Variants in FANCM observed in about 807,000 individuals in gnomAD.
FANCM encodes Fanconi anemia group M protein.
Under a neutral mutation model 199.5 loss-of-function variants are expected in FANCM, and 140 were observed. The observed-to-expected ratio is 0.70, with a 90% CI of 0.61 to 0.81. The LOEUF is 0.81. FANCM is among the 30% of genes least tolerant of loss of function. The probability of loss-of-function intolerance (pLI) is 0.00; values close to 1 mark genes in which losing one functional copy is unlikely to be tolerated. For synonymous variants in FANCM, 840 were observed against 836.8 expected, an observed-to-expected ratio of 1.00 and a Z score of -0.07; for missense variants, 2,410 against 2,421.4, an observed-to-expected ratio of 1.00 and a Z score of 0.10.
intron 13 of FANCM, among the ~76,000 whole-genome samples, chr14:45,174,030 G>C (rs1438745120): frequency 1.3e-5 from 2 of 152,104 alleles, no homozygotes; most frequent in East Asian, 3.8e-4. Flanking sequence ...TGTTTATGTG[G>C]AGTATATATA....
At chr14:45,199,077 A>AT (rs1890227029) in intron 22 of FANCM, 142 bp downstream of exon 22, 2 of 651,938 alleles carry the variant, frequency 3.1e-6, no homozygotes, top group Non-Finnish European at 5.2e-6. Context: ...GCCTGCCAAC[A>AT]TATATTAGTT....
chr14:45,170,781 C>A (rs200491978), intron 12 of FANCM, 35 bp downstream of exon 12: 60 of 1,577,820 alleles, frequency 3.8e-5, no homozygotes, highest in Non-Finnish European at 5.0e-5. Flanking sequence ...TTCTTTTCCC[C>A]CCCCTCATTT....
intron 21 of FANCM, among the ~76,000 whole-genome samples, chr14:45,196,873 T>A (rs748202683): frequency 1.3e-5 from 2 of 152,148 alleles, no homozygotes; most frequent in African/African-American, 2.4e-5. Context: ...GAGTCAGGAT[T>A]AGCAAGAGTT....
At position 45,176,206 on chromosome 14, in the gene FANCM, C is replaced by A; in HGVS notation, c.3452C>A (p.Pro1151His). 6.2e-7 allele frequency: 1 copy of A among 1,613,960 alleles called. No individual in the cohort carries two copies. Among genetic ancestry groups the A allele is most frequent in the Non-Finnish European group, 8.5e-7 (1 of 1,179,950 alleles). The change falls in exon 14 of 23, where the codon CCC (proline) becomes CAC (histidine). Residue 1151 changes from proline to histidine, a missense_variant. By Grantham distance (77) the Pro-to-His change is moderately conservative. Transcript: ENST00000267430. ...GAGTTCGACGATGTGAGTCTTTCAC[C>A]CTTGAACAGTAAAAGCGAATCTTTA... The part of the protein sequence containing the change: ...NTEFDDVSLS[P>H]LNSKSESLPV...
chr14:45,154,355 C>G (rs867620907), intron 6 of FANCM, among the ~76,000 whole-genome samples: 71 of 147,578 alleles, frequency 4.8e-4, no homozygotes, highest in African/African-American at 1.7e-3. Flanking sequence ...GAGTCAAGAT[C>G]ATGCTGCTGC....
At chr14:45,160,068 T>C (rs2139189922) in intron 9 of FANCM, among the ~76,000 whole-genome samples, 1 of 150,548 alleles carries the variant, frequency 6.6e-6, no homozygotes, top group African/African-American at 2.4e-5. Flanking sequence ...TGGTGTGATC[T>C]TGGCTCACTG....
At chr14:45,164,687 C>T (rs935898766) in intron 10 of FANCM, 122 bp downstream of exon 10, 13 of 781,954 alleles carry the variant, frequency 1.7e-5, no homozygotes, top group African/African-American at 1.7e-5. Flanking sequence ...GGTTTATTTT[C>T]CCCCACTTTG....
chr14:45,136,464 C>G lies in FANCM; in HGVS notation c.433C>G (p.Pro145Ala). Reference protein sequence around the residue: ...GKVVFMAPTKPLVTQQIEACY... With the variant: ...GKVVFMAPTKALVTQQIEACY... ...GGTGGTCTTCATGGCCCCAACGAAA[C>G]CCTTGGTGACACAGCAGATCGAGGC... Residue 145 changes from proline (P) to alanine (A), a missense_variant, in exon 1 of 23, where the codon CCC becomes GCC. Transcript: ENST00000267430. 6.2e-7 allele frequency: 1 copy of G among 1,614,158 alleles called. No homozygotes were observed. Among genetic ancestry groups the G allele is most frequent in the Non-Finnish European group, 8.5e-7 (1 of 1,180,016 alleles).
At chr14:45,154,898 G>C (rs1036834742) in intron 7 of FANCM, 76 bp downstream of exon 7, 5 of 1,091,074 alleles carry the variant, frequency 4.6e-6, no homozygotes, top group Non-Finnish European at 6.9e-6. Context: ...TTGCTCCTTT[G>C]ATGCAAATGT....
intron 8 of FANCM, among the ~76,000 whole-genome samples, chr14:45,158,421 C>T (rs1369315625): frequency 1.3e-5 from 2 of 151,760 alleles, no homozygotes; most frequent in Non-Finnish European, 2.9e-5. Context: ...TACTGCCCGC[C>T]ACCCCCCTAC....
At chr14:45,150,268 T>C (rs1036046833) in intron 4 of FANCM, among the ~76,000 whole-genome samples, 1 of 152,200 alleles carries the variant, frequency 6.6e-6, no homozygotes, top group South Asian at 2.1e-4. Flanking sequence ...GGCAAAGTCT[T>C]TTTGTAATTG....
chr14:45,138,172 A>G (rs1373871149), intron 2 of FANCM, among the ~76,000 whole-genome samples: 1 of 152,172 alleles, frequency 6.6e-6, no homozygotes, highest in African/African-American at 2.4e-5. Context: ...GTTCTGAGGT[A>G]GATAGAGATA....
At chr14:45,140,227 G>GTT (rs201068264) in intron 2 of FANCM, among the ~76,000 whole-genome samples, 4 of 148,006 alleles carry the variant, frequency 2.7e-5, no homozygotes, top group African/African-American at 7.4e-5. Context: ...GTCCTTTTGA[G>GTT]TTTTTTTTTT....
In FANCM at chr14:45,171,086, T is replaced by C. The variant is rs184408100; in HGVS notation, c.2160+340T>C. On this transcript the variant is annotated intron_variant, in intron 12 of 22. Transcript: ENST00000267430. ...ATGGTTGTCACTTTACTCTGTGATA[T>C]ACCATAGTTTGCTTGACTATTTACC... 1.5e-3 allele frequency among the ~76,000 whole-genome samples: 224 copies of C among 152,242 alleles called. 5 individuals are homozygous for C. The highest frequency in any genetic ancestry group is 1.9e-3 in the Non-Finnish European group (132 of 68,002).
chr14:45,158,429 T>G (rs1887349482), intron 8 of FANCM, among the ~76,000 whole-genome samples: 1 of 138,060 alleles, frequency 7.2e-6, no homozygotes. Flanking sequence ...GCCACCCCCC[T>G]ACCTCACCCG....
At position 45,175,339 on chromosome 14, in the gene FANCM, A is replaced by G. The variant is rs1888599860; in HGVS notation, c.2585A>G (p.Lys862Arg). The G allele has an allele frequency of 6.4e-7, 1 of 1,559,828 alleles. No homozygotes were observed. The highest frequency in any genetic ancestry group is 1.4e-5 in the African/African-American group (1 of 72,160). Residue 862 changes from lysine to arginine, a missense_variant, in exon 14 of 23, where the codon AAA becomes AGA. Coordinates refer to ENST00000267430, the MANE Select transcript of FANCM (RefSeq NM_020937.4). ...AAGAAAAAAGTGTCTAAAGAAATAAAAAAAGATCAGCTTAAAAAAGAAAAT... is the reference window on the plus strand; with the variant it reads ...AAGAAAAAAGTGTCTAAAGAAATAAGAAAAGATCAGCTTAAAAAAGAAAAT... ...SLKKKVSKEI[K>R]KDQLKKENNH... is the part of the protein sequence containing the mutation.
chr14:45,189,928 A>T (rs1328595057), intron 20 of FANCM, among the ~76,000 whole-genome samples: 1 of 150,624 alleles, frequency 6.6e-6, no homozygotes, highest in African/African-American at 2.4e-5. Context: ...AGATCATGCC[A>T]TTGCACCCCA....
In FANCM at chr14:45,175,243, T is replaced by C. The variant is rs1304809213; in HGVS notation, c.2489T>C (p.Ile830Thr). The change falls in exon 14 of 23, where the codon ATA becomes ACA. Residue 830 changes from isoleucine to threonine, a missense_variant. Coordinates refer to ENST00000267430, the MANE Select transcript of FANCM (RefSeq NM_020937.4). ...AATCAAGGCAGTTCATCCTCAGTGA[T>C]AGAATCTGATGAAGAATGTGCTGAA... ...NINQGSSSSV[I>T]ESDEECAEIV... 2.5e-6 allele frequency: 4 copies of C among 1,609,996 alleles called. No individual in the cohort carries two copies. Among genetic ancestry groups the C allele is most frequent in the South Asian group, 1.1e-5 (1 of 89,378 alleles).
chr14:45,136,289 T>C lies in FANCM; in HGVS notation c.258T>C (p.Pro86=), dbSNP rs1885494370. The part of the protein sequence containing the change: ...CTSAGALWIY[P]TNCPVRDYQL... ...CCGCGGGCGCCCTGTGGATTTACCC[T>C]ACCAATTGCCCAGTGCGGGACTACC... Residue 86 remains proline (P), a synonymous_variant, in exon 1 of 23, where the codon CCT becomes CCC. Transcript: ENST00000267430. 1.9e-6 allele frequency: 3 copies of C among 1,614,030 alleles called. No homozygotes were observed. Among genetic ancestry groups the C allele is most frequent in the Non-Finnish European group, 2.5e-6 (3 of 1,180,038 alleles).
Sources: allele counts gnomAD v4.1 joint callset (sites outside exome capture counted in the v4.1 genomes callset), GRCh38; gene constraint gnomAD v4.1.1; transcripts MANE v1.5; gene names NCBI Gene and HGNC (gene_info 2026-07-23, HGNC 2026-07-21).